FAM13A: variants seen among roughly 807,000 people sequenced by gnomAD.
FAM13A encodes family with sequence similarity 13 member A, also known as protein FAM13A.
Under a neutral mutation model 129.6 loss-of-function variants are expected in FAM13A, and 76 were observed. That is an observed-to-expected ratio of 0.59 (90% CI 0.49 to 0.71). The LOEUF (loss-of-function observed/expected upper bound fraction) is 0.71, where lower values mean the gene tolerates loss of function less well. Ranked by LOEUF, FAM13A falls within the 30% of genes least tolerant of loss-of-function variation. The pLI is 0.00. For synonymous variants in FAM13A, 443 were observed against 449.9 expected (o/e 0.98, Z 0.20); for missense variants, 1,108 against 1,249.3 (o/e 0.89, Z 1.70).
intron 2 of FAM13A, among the ~76,000 whole-genome samples, chr4:89,023,508 A>G (rs1301219058): frequency 6.6e-6 from 1 of 151,934 alleles, no homozygotes; most frequent in African/African-American, 2.4e-5. Flanking sequence ...CCCCCAAATA[A>G]ATATACTTCC....
chr4:89,006,481 C>T (rs1765029024), intron 3 of FAM13A, among the ~76,000 whole-genome samples: 1 of 152,192 alleles, frequency 6.6e-6, no homozygotes, highest in Non-Finnish European at 1.5e-5. Flanking sequence ...CTTGCTTACT[C>T]AAACCCCTTG....
At chr4:88,966,062 A>G (rs769409173) in intron 4 of FAM13A, among the ~76,000 whole-genome samples, 4 of 152,200 alleles carry the variant, frequency 2.6e-5, no homozygotes, top group Non-Finnish European at 5.9e-5. Flanking sequence ...TCTTTTGGAT[A>G]TATTTACCCA....
In FAM13A at chr4:88,923,526, T is replaced by G. The variant is rs1329151461; in HGVS notation, c.759+14562A>C. ...AACCCTTCATGCTAAAAACTCTCAA[T>G]AAGTTAGGTATTGAGGGGACATATC... On this transcript the variant is annotated intron_variant, in intron 5 of 23. Transcript: ENST00000264344. Among the ~76,000 whole-genome samples the G allele has an allele frequency of 2.0e-5, 3 of 152,308 alleles. No homozygotes were observed. In the East Asian group the frequency reaches 5.8e-4, roughly 29 times the overall value.
intron 2 of FAM13A, among the ~76,000 whole-genome samples, chr4:89,025,350 C>T (rs953484219): frequency 6.2e-5 from 9 of 144,706 alleles, no homozygotes; most frequent in Admixed American, 5.7e-4. Context: ...CTGCAAGCTC[C>T]GCTTCCCGGG....
At chr4:89,023,891 C>T (rs1364622010) in intron 2 of FAM13A, among the ~76,000 whole-genome samples, 1 of 152,130 alleles carries the variant, frequency 6.6e-6, no homozygotes, top group Non-Finnish European at 1.5e-5. Flanking sequence ...TTTTCCTACT[C>T]TAAAATTGTA....
chr4:89,014,807 G>A (rs909879732), intron 3 of FAM13A, among the ~76,000 whole-genome samples: 6 of 152,030 alleles, frequency 3.9e-5, no homozygotes, highest in African/African-American at 7.2e-5. Flanking sequence ...TGCGTTAACC[G>A]CACAAATTGT....
At chr4:88,884,509 T>C (rs564730059) in intron 6 of FAM13A, among the ~76,000 whole-genome samples, 1 of 152,100 alleles carries the variant, frequency 6.6e-6, no homozygotes, top group East Asian at 1.9e-4. Context: ...CTTAACGTAA[T>C]AAAACCATCT....
chr4:88,753,576 CG>C, intron 14 of FAM13A: 2 of 506,048 alleles, frequency 4.0e-6, no homozygotes, highest in Non-Finnish European at 5.1e-6. Context: ...GCATGTAGAA[CG>C]GAAGTGAAAG....
intron 3 of FAM13A, among the ~76,000 whole-genome samples, chr4:89,002,195 G>C (rs201022012): frequency 1.0e-4 from 9 of 90,122 alleles, no homozygotes; most frequent in African/African-American, 3.8e-4. Context: ...AAAAAAAAAA[G>C]AACAGCAGAG....
intron 6 of FAM13A, among the ~76,000 whole-genome samples, chr4:88,895,525 C>A (rs1381964223): frequency 6.7e-6 from 1 of 149,946 alleles, no homozygotes; most frequent in Non-Finnish European, 1.5e-5. Context: ...ACTCATCTGA[C>A]AAAGGGCTAA....
chr4:88,987,758 C>T (rs974099483), intron 4 of FAM13A, among the ~76,000 whole-genome samples: 4 of 138,246 alleles, frequency 2.9e-5, no homozygotes, highest in Non-Finnish European at 4.6e-5. Flanking sequence ...AGGAGAATGG[C>T]GTGAACCCGG....
chr4:88,943,387 G>A (rs892175145), intron 4 of FAM13A, among the ~76,000 whole-genome samples: 1 of 152,132 alleles, frequency 6.6e-6, no homozygotes, highest in Non-Finnish European at 1.5e-5. Flanking sequence ...ATTGATATGT[G>A]CTCCAAAAAC....
chr4:89,014,368 T>G (rs1766173916), intron 3 of FAM13A, among the ~76,000 whole-genome samples: 3 of 152,226 alleles, frequency 2.0e-5, no homozygotes, highest in Admixed American at 2.0e-4. Flanking sequence ...GAAATAATTC[T>G]TATTTTTTAA....
At chr4:88,911,272 A>G (rs1749053901) in intron 5 of FAM13A, among the ~76,000 whole-genome samples, 1 of 152,180 alleles carries the variant, frequency 6.6e-6, no homozygotes, top group African/African-American at 2.4e-5. Context: ...GAATCCAGCT[A>G]TATGCTTTCT....
intron 8 of FAM13A, among the ~76,000 whole-genome samples, chr4:88,802,871 G>A (rs1389644543): frequency 1.3e-5 from 2 of 152,084 alleles, no homozygotes; most frequent in Non-Finnish European, 2.9e-5. Context: ...CCCGAGGGCC[G>A]CTATGGGTCA....
intron 1 of FAM13A, among the ~76,000 whole-genome samples, chr4:89,032,085 T>C (rs1158989595): frequency 6.6e-6 from 1 of 151,444 alleles, no homozygotes; most frequent in Non-Finnish European, 1.5e-5. Context: ...ATAAAATAAA[T>C]TAAAAAAAAT....
chr4:89,004,884 A>G (rs899180372), intron 3 of FAM13A, among the ~76,000 whole-genome samples: 1 of 152,054 alleles, frequency 6.6e-6, no homozygotes, highest in Non-Finnish European at 1.5e-5. Context: ...TTGATCTCTG[A>G]AAGTTTTCTA....
chr4:89,015,872 GTA>G lies in FAM13A; in HGVS notation c.427+4586_427+4587del, dbSNP rs564714855. On this transcript the variant is annotated intron_variant, in intron 3 of 23. Coordinates refer to ENST00000264344, the MANE Select transcript of FAM13A (RefSeq NM_014883.4). ...CAGATATACATATACATATATATGT[GTA>G]TGTTAACTATAACAGACTTAGATAC... is the stretch of plus-strand genomic sequence containing the variant. Among the ~76,000 whole-genome samples, 688 of 151,988 alleles carry G rather than the reference GTA, an allele frequency of 4.5e-3. 5 individuals are homozygous for G. Among genetic ancestry groups the G allele is most frequent in the African/African-American group, 0.016 (667 of 41,454 alleles).
Position 89,020,583 on chromosome 4 carries a change from C to A in FAM13A, c.304G>T (p.Val102Leu), listed in dbSNP as rs199908167. ...ACATCACCGTCCTTCCCGAGCTCCA[C>A]GGGCACTCCACTCTCGAACTTCAGT... ...LRLKFESGVP[V>L]ELGKDGDVCS... The change falls in exon 3 of 24, where the codon GTG becomes TTG. Residue 102 changes from valine to leucine, a missense_variant. Around this residue, in one of 3 missense-constraint regions of FAM13A, gnomAD observed 566 missense variants for 595.7 expected, o/e 0.95. Transcript: ENST00000264344. 4 of 1,613,982 alleles carry A rather than the reference C, an allele frequency of 2.5e-6. No homozygotes were observed. In the East Asian group the frequency reaches 8.9e-5, roughly 36 times the overall value.
Sources: allele counts gnomAD v4.1 joint callset (sites outside exome capture counted in the v4.1 genomes callset), GRCh38; gene constraint gnomAD v4.1.1; regional missense constraint gnomAD v4.1.1; transcripts MANE v1.5; gene names NCBI Gene and HGNC (gene_info 2026-07-23, HGNC 2026-07-21).